Variants in SORCS1 observed in about 807,000 individuals in gnomAD.
The protein encoded by SORCS1 is sortilin related VPS10 domain containing receptor 1, also known as VPS10 domain-containing receptor SorCS1.
Under a neutral mutation model 146.1 loss-of-function variants are expected in SORCS1, and 60 were observed. The observed-to-expected ratio is 0.41, with a 90% CI of 0.33 to 0.51. SORCS1 has a LOEUF of 0.51. Among genes scored for constraint, SORCS1 ranks in the 20% least tolerant of loss-of-function variants. The probability of loss-of-function intolerance (pLI) is 0.21; values close to 1 mark genes in which losing one functional copy is unlikely to be tolerated. For missense variants in SORCS1, 1,352 were observed against 1,487.6 expected (o/e 0.91, Z 1.50); for synonymous variants, 637 against 584.0 (o/e 1.09, Z -1.31).
intron 1 of SORCS1, among the ~76,000 whole-genome samples, chr10:107,016,041 A>T (rs569438137): frequency 6.6e-6 from 1 of 152,218 alleles, no homozygotes; most frequent in Non-Finnish European, 1.5e-5. Context: ...GGAAAAGACA[A>T]TTGGCCGAGC....
chr10:106,944,874 C>CTGTTTTTTTTTTTTTTTTTTTT (rs1954241512), intron 2 of SORCS1, among the ~76,000 whole-genome samples: 1 of 36,576 alleles, frequency 2.7e-5, no homozygotes, highest in Non-Finnish European at 5.0e-5. Context: ...AAAGAGCCTT[C>CTGTTTTTTTTTTTTTTTTTTTT]TTTTTTTTTT....
At chr10:107,067,218 C>G (rs1423481990) in intron 1 of SORCS1, among the ~76,000 whole-genome samples, 2 of 152,140 alleles carry the variant, frequency 1.3e-5, no homozygotes. Flanking sequence ...TCTCCTTACT[C>G]CTTACTGACA....
chr10:107,160,659 T>C (rs1477671496), intron 1 of SORCS1, among the ~76,000 whole-genome samples: 1 of 152,152 alleles, frequency 6.6e-6, no homozygotes, highest in Non-Finnish European at 1.5e-5. Flanking sequence ...TGTAATACAA[T>C]TGCCAGTGAG....
intron 1 of SORCS1, among the ~76,000 whole-genome samples, chr10:106,998,645 C>T (rs1042336192): frequency 1.3e-5 from 2 of 152,214 alleles, no homozygotes; most frequent in African/African-American, 4.8e-5. Context: ...AAGAGAAGGG[C>T]AGAATGCCAT....
At chr10:106,739,609 C>G (rs373855477) in intron 5 of SORCS1, among the ~76,000 whole-genome samples, 13 of 151,506 alleles carry the variant, frequency 8.6e-5, no homozygotes, top group South Asian at 6.3e-4. Flanking sequence ...AAGATCGAGA[C>G]CATCTGGCTA....
chr10:107,099,437 G>A (rs1020443419), intron 1 of SORCS1, among the ~76,000 whole-genome samples: 5 of 152,046 alleles, frequency 3.3e-5, no homozygotes, highest in African/African-American at 1.2e-4. Flanking sequence ...TAAAGGAGTG[G>A]TCTATGTGCT....
chr10:106,927,286 C>T (rs1033614827), intron 2 of SORCS1, among the ~76,000 whole-genome samples: 2 of 152,062 alleles, frequency 1.3e-5, no homozygotes, highest in Non-Finnish European at 2.9e-5. Context: ...GGTTCGTGGT[C>T]TTGCTGGCTC....
Position 106,672,885 on chromosome 10 carries a change from A to G in SORCS1, c.2041T>C (p.Trp681Arg). ...RRCAEEDYRP[W>R]QLHSQGEACI... The stretch of plus-strand genomic sequence containing the variant: ...CCTCCTACCTGGCTGTGCAGCTGCC[A>G]AGGTCTGTAGTCCTCTTCGGCACAC... The change falls in exon 15 of 26, where the codon TGG (tryptophan) becomes CGG (arginine). Residue 681 changes from tryptophan (W) to arginine (R), a missense_variant. By Grantham distance (101) the Trp-to-Arg change is moderately radical. Around this residue, in one of 3 missense-constraint regions of SORCS1, gnomAD observed 648 missense variants for 793.8 expected, o/e 0.82. Transcript: ENST00000263054. The G allele has an allele frequency of 6.2e-7, 1 of 1,613,994 alleles. No individual in the cohort carries two copies. The highest frequency in any genetic ancestry group is 8.5e-7 in the Non-Finnish European group (1 of 1,179,914).
At chr10:106,679,577 G>A in intron 11 of SORCS1, 55 bp downstream of exon 11, 1 of 1,408,942 alleles carries the variant, frequency 7.1e-7, no homozygotes, top group Non-Finnish European at 9.9e-7. Context: ...CAGATATCTA[G>A]CTTCTTAAAA....
intron 24 of SORCS1, among the ~76,000 whole-genome samples, chr10:106,585,689 CTAT>C (rs745829803): frequency 6.6e-6 from 1 of 152,192 alleles, no homozygotes; most frequent in Non-Finnish European, 1.5e-5. Flanking sequence ...TGAATCTGAG[CTAT>C]TATTATAATC....
At chr10:107,094,093 T>C (rs1286594102) in intron 1 of SORCS1, among the ~76,000 whole-genome samples, 1 of 152,186 alleles carries the variant, frequency 6.6e-6, no homozygotes, top group African/African-American at 2.4e-5. Flanking sequence ...TCCATAACAG[T>C]GATGATCATA....
chr10:106,669,930 T>C (rs1851459652), intron 16 of SORCS1, among the ~76,000 whole-genome samples: 2 of 152,206 alleles, frequency 1.3e-5, no homozygotes, highest in Admixed American at 6.5e-5. Flanking sequence ...TTTTCTAAGA[T>C]ATGTGATGTG....
chr10:106,679,561 C>T, intron 11 of SORCS1, 71 bp downstream of exon 11: 1 of 1,320,682 alleles, frequency 7.6e-7, no homozygotes, highest in Non-Finnish European at 1.1e-6. Context: ...AATAAACTTC[C>T]AAGTACAGAT....
At chr10:106,807,847 C>T (rs1193425909) in intron 3 of SORCS1, among the ~76,000 whole-genome samples, 2 of 152,208 alleles carry the variant, frequency 1.3e-5, no homozygotes, top group African/African-American at 2.4e-5. Context: ...TTGTTGTCTG[C>T]AATGATTGCT....
chr10:106,776,757 G>A (rs1860464785), intron 3 of SORCS1, 65 bp from the exon 4 acceptor site: 15 of 1,561,904 alleles, frequency 9.6e-6, no homozygotes, highest in Non-Finnish European at 1.3e-5. Flanking sequence ...TGCAAAACTT[G>A]AAAATTAGCT....
chr10:106,784,118 G>A (rs549385451), intron 3 of SORCS1, among the ~76,000 whole-genome samples: 8 of 152,092 alleles, frequency 5.3e-5, no homozygotes, highest in Non-Finnish European at 8.8e-5. Context: ...ACCTGGGGCC[G>A]GGTGCAGTGG....
At chr10:106,956,881 G>A (rs1448294478) in intron 1 of SORCS1, among the ~76,000 whole-genome samples, 1 of 152,168 alleles carries the variant, frequency 6.6e-6, no homozygotes, top group Non-Finnish European at 1.5e-5. Flanking sequence ...TGGCAGAGCT[G>A]CCAAATATGC....
At chr10:107,065,361 A>G (rs1193151759) in intron 1 of SORCS1, among the ~76,000 whole-genome samples, 4 of 150,080 alleles carry the variant, frequency 2.7e-5, no homozygotes, top group Non-Finnish European at 5.9e-5. Flanking sequence ...CACGGTTAAC[A>G]CTGAGTGCTT....
intron 8 of SORCS1, among the ~76,000 whole-genome samples, chr10:106,704,614 C>T (rs1589700026): frequency 1.3e-5 from 2 of 152,078 alleles, no homozygotes; most frequent in South Asian, 2.1e-4. Context: ...CGCTTGAACC[C>T]GGGAGGTGGA....
Sources: gnomAD v4.1 joint callset for allele counts (sites outside exome capture counted in the v4.1 genomes callset) on GRCh38, gnomAD v4.1.1 for gene constraint, gnomAD v4.1.1 regional missense constraint, MANE v1.5 for transcripts, NCBI Gene and HGNC (gene_info 2026-07-23, HGNC 2026-07-21) for gene names.